METTL15: variants seen among roughly 807,000 people sequenced by gnomAD.
METTL15 encodes the protein 12S rRNA N(4)-cytidine methyltransferase METTL15.
In METTL15, 34 loss-of-function variants were observed where a neutral mutation model predicts 38.3. That is an observed-to-expected ratio of 0.89 (90% CI 0.68 to 1.18). The LOEUF (loss-of-function observed/expected upper bound fraction) is 1.18, where lower values mean the gene tolerates loss of function less well. Among genes scored for constraint, METTL15 ranks in the 50% most tolerant of loss-of-function variants. The pLI is 0.00. For missense variants in METTL15, 438 were observed against 498.4 expected, an observed-to-expected ratio of 0.88 and a Z score of 1.15; for synonymous variants, 162 against 170.9, an observed-to-expected ratio of 0.95 and a Z score of 0.41.
chr11:28,238,559 C>T (rs1009874912), intron 4 of METTL15, among the ~76,000 whole-genome samples: 5 of 152,320 alleles, frequency 3.3e-5, no homozygotes, highest in South Asian at 2.1e-4. Context: ...TTGCACTTCC[C>T]GAGTGAGGCA....
At chr11:28,394,575 A>G (rs1850549087) in intron 5 of METTL15, among the ~76,000 whole-genome samples, 1 of 152,090 alleles carries the variant, frequency 6.6e-6, no homozygotes. Flanking sequence ...TGTTTCACGG[A>G]CATTTTCAGT....
At chr11:28,452,123 A>G (rs1480771024) in intron 6 of METTL15, among the ~76,000 whole-genome samples, 1 of 152,198 alleles carries the variant, frequency 6.6e-6, no homozygotes, top group African/African-American at 2.4e-5. Flanking sequence ...AACTTTAAGC[A>G]AGTAGTGTCC....
intron 6 of METTL15, among the ~76,000 whole-genome samples, chr11:28,457,714 G>A (rs945611092): frequency 7.2e-5 from 11 of 152,178 alleles, no homozygotes; most frequent in African/African-American, 2.4e-4. Context: ...AGGGTACTCT[G>A]CCCTTCTTAG....
intron 3 of METTL15, among the ~76,000 whole-genome samples, chr11:28,185,979 AT>A (rs1481616461): frequency 6.6e-6 from 1 of 150,778 alleles, no homozygotes; most frequent in African/African-American, 2.4e-5. Context: ...ATGTAGTGGA[AT>A]TATGAGTCCT....
At chr11:28,120,862 TTTTTTTCTCC>T (rs1852202145) in intron 3 of METTL15, among the ~76,000 whole-genome samples, 1 of 152,150 alleles carries the variant, frequency 6.6e-6, no homozygotes, top group Non-Finnish European at 1.5e-5. Context: ...AACCTTGTCC[TTTTTTTCTCC>T]TTTTTTCTTT....
At chr11:28,329,039 C>T (rs902652307) in intron 6 of METTL15, among the ~76,000 whole-genome samples, 9 of 152,006 alleles carry the variant, frequency 5.9e-5, no homozygotes, top group African/African-American at 1.9e-4. Context: ...TTGCAACATT[C>T]GAAGTCATTA....
At chr11:28,130,935 C>T (rs1230204108) in intron 3 of METTL15, among the ~76,000 whole-genome samples, 1 of 152,072 alleles carries the variant, frequency 6.6e-6, no homozygotes, top group Non-Finnish European at 1.5e-5. Context: ...GTTGCTGCCC[C>T]CTCTCCTTCA....
At chr11:28,368,880 T>G (rs1320640466) in intron 5 of METTL15, among the ~76,000 whole-genome samples, 1 of 152,038 alleles carries the variant, frequency 6.6e-6, no homozygotes, top group African/African-American at 2.4e-5. Flanking sequence ...GAAACCATCA[T>G]TCTCAGCAAA....
rs566122806 is a variant in METTL15, at chr11:28,373,443, C to A, written c.*358+11407C>A. Among the ~76,000 whole-genome samples, 9 of 152,008 alleles carry A rather than the reference C, an allele frequency of 5.9e-5. No individual in the cohort carries two copies. In the South Asian group the frequency reaches 1.9e-3, roughly 32 times the overall value. ...TCTTTTGAGAAGTGTCTGTTCATGT[C>A]CTTCGCCCACTTTTTGATGGGGTTG... On this transcript the variant is annotated intron_variant and NMD_transcript_variant, in intron 5 of 7. Coordinates refer to the METTL15 transcript ENST00000532947.
chr11:28,191,776 C>T (rs542470703), intron 3 of METTL15, among the ~76,000 whole-genome samples: 1 of 151,710 alleles, frequency 6.6e-6, no homozygotes, highest in South Asian at 2.1e-4. Flanking sequence ...ATTGTGAAAA[C>T]TAGTAGTCAG....
At chr11:28,211,583 A>G (rs1338217907) in intron 4 of METTL15, among the ~76,000 whole-genome samples, 1 of 152,142 alleles carries the variant, frequency 6.6e-6, no homozygotes, top group African/African-American at 2.4e-5. Flanking sequence ...TGTAGAACTC[A>G]TGAGGACATA....
chr11:28,244,001 T>G (rs1236425019), intron 4 of METTL15, among the ~76,000 whole-genome samples: 3 of 152,182 alleles, frequency 2.0e-5, no homozygotes, highest in East Asian at 1.9e-4. Context: ...TTGGGTCAAT[T>G]GGCTAGAATT....
intron 6 of METTL15, among the ~76,000 whole-genome samples, chr11:28,443,405 C>A (rs1163794859): frequency 6.6e-6 from 1 of 152,146 alleles, no homozygotes; most frequent in Non-Finnish European, 1.5e-5. Flanking sequence ...TGTTCCCTAT[C>A]TGTATGCTCT....
intron 3 of METTL15, among the ~76,000 whole-genome samples, chr11:28,204,500 C>T (rs887542365): frequency 5.9e-5 from 8 of 135,802 alleles, no homozygotes; most frequent in Non-Finnish European, 9.2e-5. Flanking sequence ...AATTCCCTCA[C>T]GGAGCATTTG....
chr11:28,322,234 A>G (rs1453640366), intron 6 of METTL15, among the ~76,000 whole-genome samples: 1 of 152,108 alleles, frequency 6.6e-6, no homozygotes, highest in South Asian at 2.1e-4. Context: ...ACATTTACAA[A>G]TGTTCAGGAA....
At chr11:28,243,902 A>T (rs996314869) in intron 4 of METTL15, among the ~76,000 whole-genome samples, 1 of 152,180 alleles carries the variant, frequency 6.6e-6, no homozygotes, top group Non-Finnish European at 1.5e-5. Flanking sequence ...CCATTTTGTT[A>T]TATTAGTGAT....
chr11:28,394,278 GA>G (rs2133396893), intron 5 of METTL15, among the ~76,000 whole-genome samples: 1 of 152,126 alleles, frequency 6.6e-6, no homozygotes, highest in South Asian at 2.1e-4. Context: ...GGTTAACAAA[GA>G]AAAATATCTC....
intron 3 of METTL15, among the ~76,000 whole-genome samples, chr11:28,207,016 G>A (rs1490842452): frequency 6.0e-4 from 76 of 127,698 alleles, no homozygotes; most frequent in Non-Finnish European, 9.0e-4. Context: ...GGGCTGAGAC[G>A]ATGGGGTTTT....
intron 3 of METTL15, among the ~76,000 whole-genome samples, chr11:28,200,208 T>C (rs1446697610): frequency 6.6e-6 from 1 of 152,144 alleles, no homozygotes; most frequent in African/African-American, 2.4e-5. Flanking sequence ...GGAGACAGAA[T>C]TGTTTTTGAA....
Sources: allele counts gnomAD v4.1 joint callset (sites outside exome capture counted in the v4.1 genomes callset), GRCh38; gene constraint gnomAD v4.1.1; transcripts MANE v1.5; gene names NCBI Gene and HGNC (gene_info 2026-07-23, HGNC 2026-07-21).